FKBP9: variants seen among roughly 807,000 people sequenced by gnomAD.
The protein encoded by FKBP9 is FKBP prolyl isomerase 9, also known as peptidyl-prolyl cis-trans isomerase FKBP9.
A neutral mutation model predicts 55.6 loss-of-function variants in FKBP9; 27 were observed. The observed-to-expected ratio is 0.49, with a 90% CI of 0.36 to 0.67. The LOEUF (loss-of-function observed/expected upper bound fraction) is 0.67, where lower values mean the gene tolerates loss of function less well. Ranked by LOEUF, FKBP9 falls within the 30% of genes least tolerant of loss-of-function variation. The pLI is 0.00. For missense variants in FKBP9, 539 were observed against 742.8 expected (o/e 0.73, Z 3.19); for synonymous variants, 267 against 296.5 (o/e 0.90, Z 1.02).
chr7:33,000,937 C>T (rs1434059715), intron 8 of FKBP9, among the ~76,000 whole-genome samples: 7 of 152,042 alleles, frequency 4.6e-5, no homozygotes, highest in East Asian at 3.9e-4. Flanking sequence ...TGCACCACCT[C>T]GCCTGGCTAA....
At chr7:32,989,572 C>T (rs955656974) in intron 6 of FKBP9, among the ~76,000 whole-genome samples, 5 of 151,864 alleles carry the variant, frequency 3.3e-5, no homozygotes, top group African/African-American at 7.3e-5. Context: ...TGTGCCACCA[C>T]GCCTGGCTAA....
chr7:32,966,062 G>A (rs921372870), intron 1 of FKBP9, among the ~76,000 whole-genome samples: 148 of 148,516 alleles, frequency 1.0e-3, no homozygotes, highest in African/African-American at 3.2e-3. Context: ...GCGTGGTAGC[G>A]TGTGCCTGTA....
chr7:32,982,637 C>T (rs1784501721), intron 5 of FKBP9, among the ~76,000 whole-genome samples: 1 of 152,062 alleles, frequency 6.6e-6, no homozygotes, highest in Admixed American at 6.6e-5. Context: ...TTCTTTGTTA[C>T]ATTCCAGTGT....
intron 1 of FKBP9, among the ~76,000 whole-genome samples, chr7:32,970,165 T>A (rs2127978651): frequency 6.6e-6 from 1 of 152,082 alleles, no homozygotes; most frequent in South Asian, 2.1e-4. Context: ...GAACGAGAAA[T>A]GTCTTTCCAT....
intron 6 of FKBP9, among the ~76,000 whole-genome samples, chr7:32,989,695 T>C (rs981468256): frequency 7.2e-5 from 11 of 152,170 alleles, no homozygotes; most frequent in Non-Finnish European, 1.5e-4. Flanking sequence ...GCTGGGATTA[T>C]AGATGTGAGC....
chr7:32,972,988 C>T (rs1187601445), intron 1 of FKBP9, among the ~76,000 whole-genome samples: 1 of 152,202 alleles, frequency 6.6e-6, no homozygotes, highest in African/African-American at 2.4e-5. Context: ...TCCCAAAGTG[C>T]TGAGATTACA....
intron 1 of FKBP9, among the ~76,000 whole-genome samples, chr7:32,963,367 A>G (rs915843571): frequency 2.0e-5 from 3 of 151,948 alleles, no homozygotes; most frequent in Admixed American, 6.6e-5. Context: ...CATGGATTCA[A>G]GTTGCCCTGA....
intron 6 of FKBP9, 73 bp downstream of exon 6, chr7:32,988,725 T>C (rs1449929132): frequency 7.1e-7 from 1 of 1,416,780 alleles, no homozygotes; most frequent in African/African-American, 1.4e-5. Flanking sequence ...GGGCTTCTTT[T>C]TCTTTTTCTT....
At chr7:32,986,109 C>T (rs1784569927) in intron 5 of FKBP9, among the ~76,000 whole-genome samples, 1 of 152,190 alleles carries the variant, frequency 6.6e-6, no homozygotes, top group Admixed American at 6.5e-5. Context: ...TTTTATTCAG[C>T]ATTTACTACA....
In FKBP9 at chr7:33,005,977, G is replaced by A; in HGVS notation, c.*626G>A. 4.3e-6 allele frequency: 1 copy of A among 230,168 alleles called. No individual in the cohort carries two copies. The highest frequency in any genetic ancestry group is 8.6e-6 in the Non-Finnish European group (1 of 116,226). 14.3% of individuals were successfully genotyped at this position (230,168 alleles called of 1,614,324 possible). On this transcript the variant is annotated 3_prime_UTR_variant, in exon 10 of 10. Coordinates refer to ENST00000242209, the MANE Select transcript of FKBP9 (RefSeq NM_007270.5). ...TACCATTAATAGTGTATAACTTGGA[G>A]GTTAAAAGAGCCTTTTGGACAGAAA...
chr7:32,997,588 G>A (rs1210263586), intron 7 of FKBP9, among the ~76,000 whole-genome samples: 1 of 152,200 alleles, frequency 6.6e-6, no homozygotes, highest in Non-Finnish European at 1.5e-5. Flanking sequence ...CTAGCACTTT[G>A]GCAGGCCAAG....
chr7:32,959,579 A>G lies in FKBP9; in HGVS notation c.221+1785A>G, dbSNP rs568464670. Among the ~76,000 whole-genome samples the G allele has an allele frequency of 3.3e-5, 5 of 152,318 alleles. No homozygotes were observed. In the South Asian group the frequency reaches 1.0e-3, roughly 32 times the overall value. ...AGAACATTTTCATCACCCCCAAAAA[A>G]GAAACGCTGGACCCATTATCAGTCA... On this transcript the variant is annotated intron_variant, in intron 1 of 9. Transcript: ENST00000242209.
intron 5 of FKBP9, among the ~76,000 whole-genome samples, chr7:32,987,860 A>G (rs1784607175): frequency 6.6e-6 from 1 of 152,038 alleles, no homozygotes; most frequent in Non-Finnish European, 1.5e-5. Context: ...TGAGAGCTTG[A>G]TTGTTTTCAT....
intron 4 of FKBP9, among the ~76,000 whole-genome samples, chr7:32,978,959 C>CATT (rs769996871): frequency 6.6e-6 from 1 of 152,122 alleles, no homozygotes; most frequent in Non-Finnish European, 1.5e-5. Flanking sequence ...ATTTAGTACA[C>CATT]ATTAATGCTA....
intron 1 of FKBP9, chr7:32,963,662 G>A (rs1784072555): frequency 6.8e-7 from 1 of 1,463,362 alleles, no homozygotes; most frequent in Non-Finnish European, 9.0e-7. Context: ...TTATTGGAAG[G>A]ATCTCCAATT....
chr7:32,991,133 G>C (rs1451230641), intron 6 of FKBP9, among the ~76,000 whole-genome samples: 1 of 152,230 alleles, frequency 6.6e-6, no homozygotes, highest in Non-Finnish European at 1.5e-5. Flanking sequence ...TTTATGGCCT[G>C]AGGACTAATC....
At chr7:32,995,972 C>T (rs1784776486) in intron 6 of FKBP9, among the ~76,000 whole-genome samples, 191 bp from the exon 7 acceptor site, 2 of 152,324 alleles carry the variant, frequency 1.3e-5, no homozygotes, top group East Asian at 1.9e-4. Flanking sequence ...GTTTATCCAC[C>T]TGTAAAATGA....
intron 7 of FKBP9, among the ~76,000 whole-genome samples, chr7:32,996,665 C>CTTCCTTCCTTG (rs1562574973): frequency 2.2e-5 from 3 of 137,218 alleles, no homozygotes; most frequent in African/African-American, 5.5e-5. Flanking sequence ...TTCCTTGCTC[C>CTTCCTTCCTTG]CTCCCTCCCT....
At chr7:32,974,498 G>T in intron 1 of FKBP9, 119 bp from the exon 2 acceptor site, 1 of 778,776 alleles carries the variant, frequency 1.3e-6, no homozygotes, top group South Asian at 1.7e-5. Context: ...CTCCTAGGCA[G>T]GGTTTTTGCT....
Sources: gnomAD v4.1 joint callset for allele counts (sites outside exome capture counted in the v4.1 genomes callset) on GRCh38, gnomAD v4.1.1 for gene constraint, MANE v1.5 for transcripts, NCBI Gene and HGNC (gene_info 2026-07-23, HGNC 2026-07-21) for gene names.